The following ACTN4 variants were observed in gnomAD, a reference collection of about 807,000 sequenced individuals.
The protein encoded by ACTN4 is actinin alpha 4, also known as alpha-actinin-4.
ACTN4 carries 18 observed loss-of-function variants against 114.2 expected under a neutral mutation model. The ratio of observed to expected loss-of-function variants is 0.16; its 90% CI spans 0.11 to 0.23. The LOEUF (loss-of-function observed/expected upper bound fraction) is 0.23, where lower values mean the gene tolerates loss of function less well. Ranked by LOEUF, ACTN4 falls within the 10% of genes least tolerant of loss-of-function variation. The pLI is 1.00. For missense variants in ACTN4, 722 were observed against 1,262.9 expected (o/e 0.57, Z 6.49); for synonymous variants, 515 against 506.3 (o/e 1.02, Z -0.23).
intron 8 of ACTN4, among the ~76,000 whole-genome samples, chr19:38,713,358 C>A (rs546585034): frequency 3.3e-5 from 5 of 152,236 alleles, no homozygotes; most frequent in African/African-American, 9.6e-5. Flanking sequence ...ACTTGAGTTT[C>A]GGGTGCCAGT....
chr19:38,661,010 C>T (rs890377143), intron 1 of ACTN4, among the ~76,000 whole-genome samples: 19 of 152,108 alleles, frequency 1.2e-4, no homozygotes, highest in Admixed American at 4.6e-4. Context: ...ACCAGAGGAA[C>T]GCGCTTCCAA....
intron 1 of ACTN4, among the ~76,000 whole-genome samples, chr19:38,667,685 T>C (rs1190635919): frequency 6.7e-6 from 1 of 148,870 alleles, no homozygotes. Context: ...TGGACTAGTC[T>C]GATGTATCTG....
intron 1 of ACTN4, among the ~76,000 whole-genome samples, chr19:38,685,972 A>C (rs889907154): frequency 3.3e-5 from 5 of 152,196 alleles, no homozygotes; most frequent in Non-Finnish European, 7.3e-5. Flanking sequence ...TCATTTGAAT[A>C]CTAGCAAAAA....
intron 1 of ACTN4, among the ~76,000 whole-genome samples, chr19:38,663,358 T>C (rs1976948468): frequency 6.6e-6 from 1 of 152,072 alleles, no homozygotes; most frequent in Non-Finnish European, 1.5e-5. Flanking sequence ...GTGCCGAGCC[T>C]TTAGGGGTAT....
intron 1 of ACTN4, among the ~76,000 whole-genome samples, chr19:38,688,856 A>G (rs1599801431): frequency 6.6e-6 from 1 of 152,222 alleles, no homozygotes. Context: ...TTGCTGGTCA[A>G]AGTGTAATGT....
At chr19:38,682,937 G>A (rs1222967946) in intron 1 of ACTN4, among the ~76,000 whole-genome samples, 1 of 152,176 alleles carries the variant, frequency 6.6e-6, no homozygotes, top group Non-Finnish European at 1.5e-5. Context: ...ATTACTCCGT[G>A]TTATGGTACC....
At chr19:38,726,244 T>C (rs1969228073) in intron 17 of ACTN4, among the ~76,000 whole-genome samples, 1 of 147,328 alleles carries the variant, frequency 6.8e-6, no homozygotes, top group Non-Finnish European at 1.5e-5. Context: ...GCCGAGGTCA[T>C]GCCACCACAC....
Position 38,728,073 on chromosome 19 carries a change from C to G in ACTN4, c.2418+47C>G, listed in dbSNP as rs758082286. ...CGGACCATGGCATTAACTGCTCTCT[C>G]TCTCTCTCTCCTTCTCTCTTTCTCC... is the stretch of plus-strand genomic sequence containing the variant. On this transcript the variant is annotated intron_variant, in intron 19 of 20. Coordinates refer to ENST00000252699, the MANE Select transcript of ACTN4 (RefSeq NM_004924.6). 1.4e-5 allele frequency: 22 copies of G among 1,559,690 alleles called. No homozygotes were observed. The Admixed American group carries it at 3.4e-4, about 24-fold the overall frequency.
At chr19:38,710,188 G>A in intron 7 of ACTN4, 69 bp from the exon 8 acceptor site, 2 of 1,558,742 alleles carry the variant, frequency 1.3e-6, no homozygotes, top group Non-Finnish European at 1.8e-6. Flanking sequence ...GGAGCCCGTG[G>A]ATCCCAGTGA....
intron 1 of ACTN4, chr19:38,693,485 C>T (rs1437605906): frequency 6.6e-6 from 1 of 152,040 alleles, no homozygotes; most frequent in Non-Finnish European, 1.5e-5. Flanking sequence ...AAGGCCCTTT[C>T]TTCCCTCCAG....
At chr19:38,679,393 G>T (rs1967478110) in intron 1 of ACTN4, among the ~76,000 whole-genome samples, 3 of 152,038 alleles carry the variant, frequency 2.0e-5, no homozygotes, top group Admixed American at 2.0e-4. Context: ...CTCAACCTCT[G>T]CAATATATGA....
At chr19:38,662,002 A>G (rs1303135528) in intron 1 of ACTN4, among the ~76,000 whole-genome samples, 6 of 152,164 alleles carry the variant, frequency 3.9e-5, no homozygotes, top group Non-Finnish European at 7.4e-5. Context: ...TTCCTTCTCT[A>G]TAAATCCCTC....
rs1433117986 is a variant in ACTN4 at position 38,723,681 on chromosome 19, G to A, written c.1510G>A (p.Ala504Thr). ...RCQKICDQWD[A>T]LGSLTHSRRE... Reference sequence around the variant, plus strand: ...CCAGAAGATCTGTGACCAGTGGGACGCCCTCGGCTCTCTGACACATAGTCG... The same window carrying A: ...CCAGAAGATCTGTGACCAGTGGGACACCCTCGGCTCTCTGACACATAGTCG... The change falls in exon 13 of 21, where the codon GCC becomes ACC. Residue 504 changes from alanine (A) to threonine (T), a missense_variant. Ala to Thr is a moderately conservative substitution (Grantham distance 58). Transcript: ENST00000252699. 2 of 1,613,216 alleles carry A rather than the reference G, an allele frequency of 1.2e-6. No homozygotes were observed. The highest frequency in any genetic ancestry group is 1.7e-6 in the Non-Finnish European group (2 of 1,179,668).
intron 1 of ACTN4, among the ~76,000 whole-genome samples, chr19:38,692,720 A>G (rs1435546562): frequency 2.0e-5 from 3 of 152,156 alleles, no homozygotes; most frequent in Non-Finnish European, 4.4e-5. Flanking sequence ...GGGTGATAAG[A>G]AGGCCTACCC....
At chr19:38,675,213 C>T (rs8100410) in intron 1 of ACTN4, among the ~76,000 whole-genome samples, 2,174 of 152,242 alleles carry the variant, frequency 0.014, 59 homozygotes, top group African/African-American at 0.048. Context: ...TGAAACCAGC[C>T]GAAGAATTAA....
At chr19:38,711,208 C>T in intron 8 of ACTN4, 1 of 848,036 alleles carries the variant, frequency 1.2e-6, no homozygotes, top group Non-Finnish European at 1.4e-6. Flanking sequence ...TCAGGCCGGC[C>T]CGGCCGCCCT....
intron 1 of ACTN4, among the ~76,000 whole-genome samples, chr19:38,669,559 A>G (rs1224710466): frequency 6.6e-6 from 1 of 152,152 alleles, no homozygotes; most frequent in Non-Finnish European, 1.5e-5. Context: ...GGAGGAGATC[A>G]CTGTGGTGTG....
At chr19:38,650,524 A>G (rs1406776182) in intron 1 of ACTN4, among the ~76,000 whole-genome samples, 3 of 152,206 alleles carry the variant, frequency 2.0e-5, no homozygotes, top group African/African-American at 7.2e-5. Context: ...CCAGAGCCAG[A>G]TTCTAGTACC....
chr19:38,699,354 T>C (rs1025061480), intron 1 of ACTN4, among the ~76,000 whole-genome samples: 4 of 152,220 alleles, frequency 2.6e-5, no homozygotes, highest in African/African-American at 4.8e-5. Context: ...TCCCTTCCAG[T>C]TGATCATCAG....
Sources: allele counts gnomAD v4.1 joint callset (sites outside exome capture counted in the v4.1 genomes callset), GRCh38; gene constraint gnomAD v4.1.1; transcripts MANE v1.5; gene names NCBI Gene and HGNC (gene_info 2026-07-23, HGNC 2026-07-21).